The following HEATR5B variants were observed in gnomAD, a reference collection of about 807,000 sequenced individuals.
HEATR5B encodes the protein HEAT repeat-containing protein 5B.
A neutral mutation model predicts 224.1 loss-of-function variants in HEATR5B; 156 were observed. The ratio of observed to expected loss-of-function variants is 0.70; its 90% confidence interval spans 0.61 to 0.80. The LOEUF is 0.80. Ranked by LOEUF, HEATR5B falls within the 30% of genes least tolerant of loss-of-function variation. The pLI is 0.00. For synonymous variants in HEATR5B, 1,027 were observed against 893.0 expected (o/e 1.15, Z -2.68); for missense variants, 2,323 against 2,535.5 (o/e 0.92, Z 1.80).
At chr2:37,006,414 G>A (rs1350652783) in intron 29 of HEATR5B, among the ~76,000 whole-genome samples, 2 of 152,178 alleles carry the variant, frequency 1.3e-5, no homozygotes, top group African/African-American at 4.8e-5. Flanking sequence ...AGCCGAGGTG[G>A]GTGGATCACC....
At chr2:37,079,441 A>C in intron 2 of HEATR5B, 110 bp from the exon 3 acceptor site, 1 of 598,332 alleles carries the variant, frequency 1.7e-6, no homozygotes, top group South Asian at 2.2e-5. Context: ...TTAAAAATCT[A>C]TATTGTATTA....
chr2:37,048,738 C>T (rs1670354331), intron 18 of HEATR5B, among the ~76,000 whole-genome samples: 1 of 152,164 alleles, frequency 6.6e-6, no homozygotes, highest in African/African-American at 2.4e-5. Flanking sequence ...GATTAAGTGT[C>T]TGGTTATATT....
At position 37,000,654 on chromosome 2, in the gene HEATR5B, C is replaced by G. The variant is rs62621396; in HGVS notation, c.5477G>C (p.Gly1826Ala). ...CAGAGCTGTCCACTGTTTTTGAACG[C>G]CAGCCTCAGTTTTGGCCATTGAAAG... ...VTLSMAKTEA[G>A]VQKQWTALIR... The change falls in exon 33 of 36, where the codon GGC becomes GCC. Residue 1826 changes from glycine to alanine, a missense_variant. Physicochemically the swap from Gly to Ala is moderately conservative, Grantham distance 60 (BLOSUM62 0). This residue lies in a region of HEATR5B where 844 missense variants were observed against 812.9 expected (regional missense o/e 1.04). Transcript: ENST00000233099. The G allele has an allele frequency of 0.068, 109,820 of 1,613,940 alleles. 5,050 individuals carry two copies. Among genetic ancestry groups the G allele is most frequent in the African/African-American group, 0.21 (15,935 of 74,970 alleles).
At chr2:37,007,336 ACT>A in intron 28 of HEATR5B, 32 bp from the exon 29 acceptor site, 1 of 1,235,234 alleles carries the variant, frequency 8.1e-7, no homozygotes, top group Non-Finnish European at 1.0e-6. Flanking sequence ...TAAAAACATT[ACT>A]TTTTTTTTTT....
intron 16 of HEATR5B, 108 bp from the exon 17 acceptor site, chr2:37,053,715 T>C (rs114920219): frequency 0.027 from 15,463 of 574,396 alleles, 268 homozygotes; most frequent in South Asian, 0.038. Context: ...TAATTCCCCA[T>C]GCTATCTCTT....
intron 10 of HEATR5B, among the ~76,000 whole-genome samples, chr2:37,062,838 G>A (rs190750525): frequency 6.6e-6 from 1 of 152,108 alleles, no homozygotes; most frequent in Admixed American, 6.5e-5. Context: ...CCCAGGCTGG[G>A]GTGCAGTGGC....
At chr2:37,059,401 T>C (rs2148554392) in intron 12 of HEATR5B, among the ~76,000 whole-genome samples, 1 of 127,490 alleles carries the variant, frequency 7.8e-6, no homozygotes, top group African/African-American at 2.8e-5. Flanking sequence ...CAGATATATA[T>C]GTATATGTGT....
chr2:37,040,479 T>C lies in HEATR5B; in HGVS notation c.2896A>G (p.Ser966Gly). The change falls in exon 20 of 36, where the codon AGT (serine) becomes GGT (glycine). Residue 966 changes from serine (S) to glycine (G), a missense_variant. Transcript: ENST00000233099. ...ACATAGCCACGATACATCGGACCAC[T>C]AGAATCCACTATCAAAGCAAGTGAA... ...LHSLALIVDS[S>G]GPMYRGYVEP... 6.2e-7 allele frequency: 1 copy of C among 1,612,452 alleles called. No individual in the cohort carries two copies. Among genetic ancestry groups the C allele is most frequent in the Non-Finnish European group, 8.5e-7 (1 of 1,179,532 alleles).
Position 37,049,894 on chromosome 2 carries a change from T to C in HEATR5B, c.2506-51A>G, listed in dbSNP as rs758717406. 19 of 1,435,938 alleles carry C rather than the reference T, an allele frequency of 1.3e-5. No individual in the cohort carries two copies. The Admixed American group carries it at 2.1e-4, about 16-fold the overall frequency. 88.9% of individuals were successfully genotyped at this position (1,435,938 alleles called of 1,614,324 possible). Reference sequence around the variant, plus strand: ...AAGACAGCAATTCATAATTCATTATTATTATTTTTTTTTTAAGGCAAGGTC... The same window carrying C: ...AAGACAGCAATTCATAATTCATTATCATTATTTTTTTTTTAAGGCAAGGTC... On this transcript the variant is annotated intron_variant, in intron 17 of 35. Transcript: ENST00000233099.
rs1666998853 is a variant in HEATR5B, at chr2:37,000,182, A to G, written c.5545+404T>C. Among the ~76,000 whole-genome samples, 2 of 151,636 alleles carry G rather than the reference A, an allele frequency of 1.3e-5. 1 individual carries two copies. The highest frequency in any genetic ancestry group is 2.9e-5 in the Non-Finnish European group (2 of 67,914). On this transcript the variant is annotated intron_variant, in intron 33 of 35. Transcript: ENST00000233099. Reference sequence around the variant, plus strand: ...AACCTCCACCTCCCGGGTTCAAGCAATTCTCCTGCCTCAGCCTCCCAAGTA... The same window carrying G: ...AACCTCCACCTCCCGGGTTCAAGCAGTTCTCCTGCCTCAGCCTCCCAAGTA...
At chr2:36,990,881 T>C in intron 33 of HEATR5B, 82 bp from the exon 34 acceptor site, 2 of 1,179,764 alleles carry the variant, frequency 1.7e-6, no homozygotes, top group East Asian at 2.6e-5. Context: ...AGAGAGACGT[T>C]GTCTTGCCAT....
chr2:37,054,782 C>A (rs1402658725), intron 16 of HEATR5B, among the ~76,000 whole-genome samples: 2 of 152,086 alleles, frequency 1.3e-5, no homozygotes, highest in African/African-American at 4.8e-5. Flanking sequence ...AACGCCCGGC[C>A]CATTTCAGAA....
Position 37,027,835 on chromosome 2 carries a change from A to G in HEATR5B, c.3853+88T>C, listed in dbSNP as rs1558750176. The stretch of plus-strand genomic sequence containing the variant: ...TAAATGGCATATTCTAAAGCACGCT[A>G]TATCTGTCGCAGTAAAATATCTCAT... On this transcript the variant is annotated intron_variant, in intron 24 of 35. Coordinates refer to ENST00000233099, the MANE Select transcript of HEATR5B (RefSeq NM_019024.3). 7.5e-6 allele frequency: 10 copies of G among 1,337,224 alleles called. No individual in the cohort carries two copies. In the Admixed American group the frequency reaches 7.9e-5, roughly 11 times the overall value. 82.8% of individuals were successfully genotyped at this position (1,337,224 alleles called of 1,614,324 possible).
intron 33 of HEATR5B, 135 bp from the exon 34 acceptor site, chr2:36,990,934 C>T: frequency 1.6e-6 from 1 of 633,458 alleles, no homozygotes; most frequent in South Asian, 2.6e-5. Context: ...AAGTGATCCT[C>T]CTGCCTTGGC....
intron 33 of HEATR5B, among the ~76,000 whole-genome samples, chr2:36,991,279 C>T (rs562827432): frequency 6.6e-6 from 1 of 152,030 alleles, no homozygotes; most frequent in African/African-American, 2.4e-5. Context: ...GTAATCCCAG[C>T]ACTTTGGGAG....
chr2:37,020,158 G>A (rs1171938702), intron 25 of HEATR5B, among the ~76,000 whole-genome samples: 1 of 152,136 alleles, frequency 6.6e-6, no homozygotes, highest in African/African-American at 2.4e-5. Context: ...ACCCACCTCG[G>A]CCTCCCAAAG....
At chr2:37,003,260 CAAAAAAAAAAAAA>C (rs757178937) in intron 31 of HEATR5B, among the ~76,000 whole-genome samples, 1 of 56,874 alleles carries the variant, frequency 1.8e-5, no homozygotes, top group Non-Finnish European at 3.1e-5. Flanking sequence ...GTCCCGCCCG[CAAAAAAAAAAAAA>C]AAAAAAAAAA....
chr2:37,068,711 G>T lies in HEATR5B; in HGVS notation c.1147C>A (p.Gln383Lys), dbSNP rs1246512731. 3 of 1,613,900 alleles carry T rather than the reference G, an allele frequency of 1.9e-6. No homozygotes were observed. The highest frequency in any genetic ancestry group is 1.1e-5 in the South Asian group (1 of 91,066). Reference sequence around the variant, plus strand: ...GCTTTCATTTGTTTTCCAATAGCTTGGCAGATTTCTTTGGCAGCTGCAATC... The same window carrying T: ...GCTTTCATTTGTTTTCCAATAGCTTTGCAGATTTCTTTGGCAGCTGCAATC... ...AQIAAAKEIC[Q>K]AIGKQMKAVE... Residue 383 changes from glutamine to lysine, a missense_variant, in exon 8 of 36, where the codon CAA becomes AAA. This residue lies in a region of HEATR5B where 502 missense variants were observed against 517.8 expected (regional missense o/e 0.97). Coordinates refer to ENST00000233099, the MANE Select transcript of HEATR5B (RefSeq NM_019024.3).
intron 4 of HEATR5B, 22 bp downstream of exon 4, chr2:37,076,886 AAAT>A (rs752681521): frequency 2.6e-6 from 4 of 1,514,644 alleles, no homozygotes; most frequent in African/African-American, 1.4e-5. Context: ...GCAAATATTC[AAAT>A]AATATTGGTT....
Sources: allele counts gnomAD v4.1 joint callset (sites outside exome capture counted in the v4.1 genomes callset), GRCh38; gene constraint gnomAD v4.1.1; regional missense constraint gnomAD v4.1.1; transcripts MANE v1.5; gene names NCBI Gene and HGNC (gene_info 2026-07-23, HGNC 2026-07-21).